SEM1: variants seen among roughly 807,000 people sequenced by gnomAD.
SEM1 encodes 26S proteasome complex subunit SEM1.
A neutral mutation model predicts 12.7 loss-of-function variants in SEM1; 3 were observed. The observed-to-expected ratio is 0.24, with a 90% CI of 0.11 to 0.61. The LOEUF is 0.61. Ranked by LOEUF, SEM1 falls within the 20% of genes least tolerant of loss-of-function variation. The probability of loss-of-function intolerance (pLI) is 0.88; values close to 1 mark genes in which losing one functional copy is unlikely to be tolerated. For synonymous variants in SEM1, 30 were observed against 27.8 expected (o/e 1.08, Z -0.25); for missense variants, 59 against 81.3 (o/e 0.73, Z 1.06).
At chr7:96,639,978 A>G (rs1300054275) in intron 2 of SEM1, among the ~76,000 whole-genome samples, 1 of 152,016 alleles carries the variant, frequency 6.6e-6, no homozygotes, top group Non-Finnish European at 1.5e-5. Flanking sequence ...TCCACATCAT[A>G]TATCGTCAAA....
intron 1 of SEM1, chr7:96,486,420 A>G (rs1802771573): frequency 1.3e-6 from 2 of 1,536,518 alleles, no homozygotes. Flanking sequence ...TTGGAGTCCT[A>G]TAAGGGAAGT....
downstream of SEM1, among the ~76,000 whole-genome samples, chr7:96,670,926 GA>G (rs1161304744): frequency 4.6e-5 from 7 of 152,112 alleles, no homozygotes; most frequent in Non-Finnish European, 1.0e-4. Flanking sequence ...TAGGGAGGGA[GA>G]GAAATCCAGT....
chr7:96,506,612 A>C (rs1803761845), intron 3 of SEM1: 1 of 152,094 alleles, frequency 6.6e-6, no homozygotes, highest in South Asian at 2.1e-4. Context: ...AAATTTATTT[A>C]ATATACTTAC....
At chr7:96,525,656 A>T (rs1410054192) in intron 2 of SEM1, among the ~76,000 whole-genome samples, 6 of 152,094 alleles carry the variant, frequency 3.9e-5, no homozygotes, top group African/African-American at 1.4e-4. Flanking sequence ...GATCCTATAA[A>T]GCAGGGGTCT....
At chr7:96,675,306 C>CACTT (rs1465080474) in intron 2 of SEM1, among the ~76,000 whole-genome samples, 1 of 152,098 alleles carries the variant, frequency 6.6e-6, no homozygotes, top group East Asian at 1.9e-4. Flanking sequence ...TATGAACTGT[C>CACTT]ACTTGATATT....
At chr7:96,679,912 TTCA>T (rs1206964465) in intron 2 of SEM1, among the ~76,000 whole-genome samples, 3 of 152,130 alleles carry the variant, frequency 2.0e-5, no homozygotes, top group African/African-American at 7.2e-5. Context: ...CCCTTATTTC[TTCA>T]TCATTTACCA....
At chr7:96,593,039 G>A (rs866241411) in intron 2 of SEM1, among the ~76,000 whole-genome samples, 4 of 143,924 alleles carry the variant, frequency 2.8e-5, no homozygotes, top group South Asian at 4.5e-4. Flanking sequence ...TTCTTAAAAC[G>A]TCATTTCTCC....
intron 1 of SEM1, among the ~76,000 whole-genome samples, chr7:96,701,266 A>T (rs1212011386): frequency 3.3e-5 from 5 of 151,302 alleles, no homozygotes; most frequent in African/African-American, 1.2e-4. Flanking sequence ...AAAAATTCTT[A>T]TGTTGAAGCC....
chr7:96,484,942 T>C, intron 2 of SEM1: 1 of 745,138 alleles, frequency 1.3e-6, no homozygotes, highest in Non-Finnish European at 2.0e-6. Context: ...CACCATATCC[T>C]ACAGTCAGCT....
At chr7:96,624,520 C>G (rs1807997362) in intron 2 of SEM1, among the ~76,000 whole-genome samples, 1 of 151,924 alleles carries the variant, frequency 6.6e-6, no homozygotes, top group Non-Finnish European at 1.5e-5. Context: ...TATTTTTTTC[C>G]TCTACAAAAT....
intron 1 of SEM1, among the ~76,000 whole-genome samples, chr7:96,488,690 G>T (rs529661625): frequency 4.0e-4 from 61 of 152,134 alleles, no homozygotes; most frequent in African/African-American, 1.4e-3. Context: ...TCTATCAACT[G>T]CCAGCCATGT....
At chr7:96,559,086 C>T (rs1044485726) in intron 2 of SEM1, among the ~76,000 whole-genome samples, 1 of 152,154 alleles carries the variant, frequency 6.6e-6, no homozygotes, top group African/African-American at 2.4e-5. Flanking sequence ...AGCCACAGTA[C>T]CAGTTACTAT....
chr7:96,668,325 T>C (rs1387812591), intron 2 of SEM1, among the ~76,000 whole-genome samples: 3 of 152,184 alleles, frequency 2.0e-5, no homozygotes, highest in Admixed American at 6.6e-5. Context: ...CCACATAATG[T>C]AGATTATGAA....
Position 96,695,110 on chromosome 7 carries a change from C to A in SEM1, c.77-219G>T, listed in dbSNP as rs576105417. The stretch of plus-strand genomic sequence containing the variant: ...AAAACAGAAGTTAATACAAAAAATT[C>A]TACTTGCCAAGAAACTTACAATTTC... On this transcript the variant is annotated intron_variant, in intron 1 of 2. Coordinates refer to ENST00000248566, the MANE Select transcript of SEM1 (RefSeq NM_006304.2). The A allele has an allele frequency of 7.9e-4, 276 of 349,394 alleles. 1 individual carries two copies. The highest frequency in any genetic ancestry group is 4.2e-3 in the South Asian group (38 of 9,100). The allele number at this position is 349,394 out of a possible 1,614,324, so 21.6% of individuals were successfully genotyped here.
intron 2 of SEM1, among the ~76,000 whole-genome samples, chr7:96,594,945 A>G (rs1806949101): frequency 6.6e-6 from 1 of 152,212 alleles, no homozygotes; most frequent in African/African-American, 2.4e-5. Flanking sequence ...GATATATTTC[A>G]CTGGTGTCAT....
intron 2 of SEM1, among the ~76,000 whole-genome samples, chr7:96,533,865 G>T (rs56008260): frequency 0.094 from 14,233 of 151,986 alleles, 673 homozygotes; most frequent in South Asian, 0.14. Flanking sequence ...ACCAAACTGT[G>T]TAGTAGTCCT....
chr7:96,693,387 G>C (rs1431972627), intron 2 of SEM1, among the ~76,000 whole-genome samples: 2 of 151,956 alleles, frequency 1.3e-5, no homozygotes, highest in Admixed American at 6.6e-5. Flanking sequence ...ATATGCAGAA[G>C]AATGAGCTGA....
At chr7:96,704,116 T>C (rs372048152) in intron 1 of SEM1, among the ~76,000 whole-genome samples, 1 of 152,064 alleles carries the variant, frequency 6.6e-6, no homozygotes, top group Non-Finnish European at 1.5e-5. Flanking sequence ...GATTTTTATA[T>C]TGATGCAAAA....
At chr7:96,655,228 G>T (rs1389992489) in intron 2 of SEM1, among the ~76,000 whole-genome samples, 1 of 152,100 alleles carries the variant, frequency 6.6e-6, no homozygotes, top group Non-Finnish European at 1.5e-5. Context: ...TCAGGGTCTG[G>T]GCCAGGTAGT....
Sources: gnomAD v4.1 joint callset for allele counts (sites outside exome capture counted in the v4.1 genomes callset) on GRCh38, gnomAD v4.1.1 for gene constraint, MANE v1.5 for transcripts, NCBI Gene and HGNC (gene_info 2026-07-23, HGNC 2026-07-21) for gene names.